The following ZEB1 variants were observed in gnomAD, a reference collection of about 807,000 sequenced individuals.
ZEB1 encodes zinc finger E-box binding homeobox 1.
A neutral mutation model predicts 84.9 loss-of-function variants in ZEB1; 21 were observed. That is an observed-to-expected ratio of 0.25 (90% confidence interval 0.18 to 0.36). The LOEUF is 0.36. ZEB1 is among the 10% of genes least tolerant of loss of function. The pLI is 1.00. For synonymous variants in ZEB1, 420 were observed against 471.1 expected (o/e 0.89, Z 1.41); for missense variants, 1,104 against 1,330.2 (o/e 0.83, Z 2.65).
intron 1 of ZEB1, among the ~76,000 whole-genome samples, chr10:31,331,393 TTA>T (rs2036760817): frequency 6.6e-6 from 1 of 152,162 alleles, no homozygotes; most frequent in Non-Finnish European, 1.5e-5. Context: ...GCCCGAAGTG[TTA>T]AATTCTAATA....
At chr10:31,483,256 T>C (rs1445175692) in intron 2 of ZEB1, among the ~76,000 whole-genome samples, 3 of 152,010 alleles carry the variant, frequency 2.0e-5, no homozygotes, top group African/African-American at 7.2e-5. Context: ...CCAAATATTA[T>C]TTATTTTCAT....
intron 8 of ZEB1, 71 bp from the exon 9 acceptor site, chr10:31,526,601 C>T (rs1280717944): frequency 6.4e-7 from 1 of 1,564,822 alleles, no homozygotes; most frequent in African/African-American, 1.4e-5. Context: ...ACATGAAGTA[C>T]CCCAAAAACC....
intron 1 of ZEB1, among the ~76,000 whole-genome samples, chr10:31,380,422 A>G (rs2047416619): frequency 6.6e-6 from 1 of 152,184 alleles, no homozygotes; most frequent in African/African-American, 2.4e-5. Context: ...TTCATACTGC[A>G]TCACATCAAG....
intron 2 of ZEB1, among the ~76,000 whole-genome samples, chr10:31,469,855 G>A (rs1362598360): frequency 3.3e-5 from 5 of 152,230 alleles, no homozygotes; most frequent in South Asian, 2.1e-4. Flanking sequence ...CCAGTACGCA[G>A]CTGGAGATCT....
intron 1 of ZEB1, among the ~76,000 whole-genome samples, chr10:31,379,993 C>T (rs1181617574): frequency 6.6e-6 from 1 of 152,098 alleles, no homozygotes; most frequent in Non-Finnish European, 1.5e-5. Flanking sequence ...TACTAACCAC[C>T]TCATATTCTC....
chr10:31,470,176 G>A (rs1471590225), intron 2 of ZEB1, among the ~76,000 whole-genome samples: 9 of 152,182 alleles, frequency 5.9e-5, no homozygotes, highest in Admixed American at 1.3e-4. Flanking sequence ...CCAAAGGAAC[G>A]CAATTCCTCA....
intron 1 of ZEB1, among the ~76,000 whole-genome samples, chr10:31,405,928 G>C (rs1317175592): frequency 1.3e-5 from 2 of 152,120 alleles, no homozygotes; most frequent in East Asian, 1.9e-4. Context: ...CCACTTATGA[G>C]TGAGAACATG....
chr10:31,469,493 C>T (rs551858571), intron 2 of ZEB1, among the ~76,000 whole-genome samples: 56 of 152,322 alleles, frequency 3.7e-4, no homozygotes, highest in Non-Finnish European at 5.4e-4. Context: ...CCGAATATTG[C>T]GCTTTTCTGA....
At chr10:31,352,647 TGGG>T (rs200221181) in intron 1 of ZEB1, among the ~76,000 whole-genome samples, 3 of 152,138 alleles carry the variant, frequency 2.0e-5, no homozygotes, top group African/African-American at 7.2e-5. Context: ...GGAGCACAGT[TGGG>T]GGTGGCCTGG....
chr10:31,334,051 G>GT (rs2037428642), intron 1 of ZEB1, among the ~76,000 whole-genome samples: 1 of 151,802 alleles, frequency 6.6e-6, no homozygotes, highest in African/African-American at 2.4e-5. Context: ...CAGAAACTAG[G>GT]ACTGCAGAAG....
intron 1 of ZEB1, among the ~76,000 whole-genome samples, chr10:31,359,697 C>G (rs2042682986): frequency 1.3e-5 from 2 of 152,120 alleles, no homozygotes; most frequent in South Asian, 4.1e-4. Flanking sequence ...ACCATAGATA[C>G]TTCCTGAATT....
chr10:31,508,585 G>A (rs766905243), intron 4 of ZEB1, among the ~76,000 whole-genome samples: 76 of 152,094 alleles, frequency 5.0e-4, no homozygotes, highest in Admixed American at 9.8e-4. Flanking sequence ...TCATCCCCAC[G>A]TCCCTGAATA....
intron 2 of ZEB1, among the ~76,000 whole-genome samples, chr10:31,470,204 C>T (rs2063028552): frequency 6.6e-6 from 1 of 152,182 alleles, no homozygotes; most frequent in South Asian, 2.1e-4. Context: ...TGGAACAAAG[C>T]TGGACGGAGA....
chr10:31,457,947 C>T (rs1297419056), intron 1 of ZEB1, among the ~76,000 whole-genome samples: 2 of 152,118 alleles, frequency 1.3e-5, no homozygotes, highest in Non-Finnish European at 1.5e-5. Flanking sequence ...TGCTAGGCTG[C>T]AATATTGCAT....
chr10:31,393,759 C>G (rs2050209819), intron 1 of ZEB1, among the ~76,000 whole-genome samples: 1 of 152,084 alleles, frequency 6.6e-6, no homozygotes, highest in Admixed American at 6.6e-5. Flanking sequence ...CATTTAAGAA[C>G]CATTAAAAGT....
At chr10:31,516,760 G>C (rs1189884703) in intron 6 of ZEB1, among the ~76,000 whole-genome samples, 1 of 151,908 alleles carries the variant, frequency 6.6e-6, no homozygotes, top group Non-Finnish European at 1.5e-5. Flanking sequence ...TTATTCAATA[G>C]AAGCCAGTCA....
At chr10:31,438,129 G>A (rs1018568890) in intron 1 of ZEB1, among the ~76,000 whole-genome samples, 4 of 152,182 alleles carry the variant, frequency 2.6e-5, no homozygotes, top group South Asian at 2.1e-4. Context: ...GTGAAAGCGT[G>A]CGCTCTCCAC....
chr10:31,363,719 T>A (rs1236058936), intron 1 of ZEB1: 1 of 1,199,576 alleles, frequency 8.3e-7, no homozygotes, highest in Admixed American at 2.0e-5. Flanking sequence ...ATTATGGAGT[T>A]GTGAGGAGAC....
intron 2 of ZEB1, among the ~76,000 whole-genome samples, chr10:31,469,975 T>G (rs1205777602): frequency 6.6e-6 from 1 of 151,946 alleles, no homozygotes; most frequent in Non-Finnish European, 1.5e-5. Flanking sequence ...CACGGCAGGG[T>G]ACTCCAACAG....
Sources: allele counts gnomAD v4.1 joint callset (sites outside exome capture counted in the v4.1 genomes callset), GRCh38; gene constraint gnomAD v4.1.1; transcripts MANE v1.5; gene names NCBI Gene and HGNC (gene_info 2026-07-23, HGNC 2026-07-21).